SYNE1: variants seen among roughly 807,000 people sequenced by gnomAD.
SYNE1 encodes spectrin repeat containing nuclear envelope protein 1.
A neutral mutation model predicts 1,111.0 loss-of-function variants in SYNE1; 616 were observed. That is an observed-to-expected ratio of 0.55 (90% CI 0.52 to 0.59). The LOEUF (loss-of-function observed/expected upper bound fraction) is 0.59. Ranked by LOEUF, SYNE1 falls within the 20% of genes least tolerant of loss-of-function variation. The pLI, the probability that SYNE1 is intolerant of heterozygous loss-of-function variation, is 0.00. For synonymous variants in SYNE1, 3,855 were observed against 3,825.8 expected, an observed-to-expected ratio of 1.01 and a Z score of -0.28; for missense variants, 10,006 against 10,417.0, an observed-to-expected ratio of 0.96 and a Z score of 1.72.
intron 2 of SYNE1, among the ~76,000 whole-genome samples, chr6:152,631,799 G>C (rs945613361): frequency 3.3e-5 from 5 of 152,102 alleles, no homozygotes; most frequent in Non-Finnish European, 5.9e-5. Flanking sequence ...TGACTCTCAG[G>C]ATTTGGGGTG....
At position 152,471,590 on chromosome 6, in the gene SYNE1, G is replaced by C. The variant is rs779081729; in HGVS notation, c.1632+7C>G. The C allele has an allele frequency of 3.1e-6, 5 of 1,613,344 alleles. No homozygotes were observed. In the South Asian group the frequency reaches 3.3e-5, roughly 11 times the overall value. On this transcript the variant is annotated splice_region_variant and intron_variant, in intron 16 of 145. Coordinates refer to ENST00000367255, the MANE Select transcript of SYNE1 (RefSeq NM_182961.4). ...AGGAATTCTCTGTCAAAGCACGGGG[G>C]ACTCACCACGTAGTTTTGTAGAAGC...
chr6:152,488,074 C>CAAA lies in SYNE1; in HGVS notation c.1047+319_1047+321dup, dbSNP rs35496801. Reference sequence around the variant, plus strand: ...TGGGAGAGAGAGTGAGACTCCGTCTCAAAAAAAAAAAAAAATCATGAGTTC... The same window carrying CAAA: ...TGGGAGAGAGAGTGAGACTCCGTCTCAAAAAAAAAAAAAAAAAATCATGAGTTC... On this transcript the variant is annotated intron_variant, in intron 12 of 145. Transcript: ENST00000367255. Among the ~76,000 whole-genome samples the CAAA allele has an allele frequency of 0.07, 9,300 of 132,808 alleles. 411 individuals are homozygous for CAAA. The highest frequency in any genetic ancestry group is 0.089 in the Non-Finnish European group (5,443 of 61,376). The allele number at this position is 132,808 out of a possible 152,430, so 87.1% of individuals were successfully genotyped here.
chr6:152,568,286 A>ATT (rs1564899028), intron 3 of SYNE1, among the ~76,000 whole-genome samples: 4 of 101,776 alleles, frequency 3.9e-5, no homozygotes, highest in South Asian at 3.4e-4. Context: ...ATTTTATTTT[A>ATT]TTCTTTTTTT....
intron 141 of SYNE1, 113 bp from the exon 142 acceptor site, chr6:152,135,345 T>C (rs2056812209): frequency 1.7e-6 from 2 of 1,155,978 alleles, no homozygotes; most frequent in Middle Eastern, 2.1e-4. Flanking sequence ...AGAACATACA[T>C]GCAACTCCTT....
At chr6:152,182,192 A>G (rs2068286522) in intron 128 of SYNE1, among the ~76,000 whole-genome samples, 1 of 152,190 alleles carries the variant, frequency 6.6e-6, no homozygotes, top group Admixed American at 6.5e-5. Flanking sequence ...TATCCTTTCC[A>G]GAATTCTAAA....
At chr6:152,239,054 C>T (rs759824195) in intron 108 of SYNE1, among the ~76,000 whole-genome samples, 2 of 151,898 alleles carry the variant, frequency 1.3e-5, no homozygotes, top group African/African-American at 2.4e-5. Flanking sequence ...CCCACGACGA[C>T]GTCCGGCTAA....
intron 14 of SYNE1, among the ~76,000 whole-genome samples, chr6:152,481,906 C>T (rs1454546853): frequency 6.6e-6 from 1 of 151,456 alleles, no homozygotes; most frequent in Non-Finnish European, 1.5e-5. Flanking sequence ...ATGAAGAAGA[C>T]CCCAAAGTCA....
intron 103 of SYNE1, 98 bp from the exon 104 acceptor site, chr6:152,255,187 C>T (rs1299028238): frequency 1.9e-6 from 2 of 1,064,898 alleles, no homozygotes; most frequent in African/African-American, 1.6e-5. Flanking sequence ...ATCTCTCTGG[C>T]TGCTTAGTAA....
chr6:152,637,348 G>A lies in SYNE1; in HGVS notation c.-551C>T, dbSNP rs1356788703. 1 of 152,342 alleles carries A rather than the reference G, an allele frequency of 6.6e-6. No individual in the cohort carries two copies. The highest frequency in any genetic ancestry group is 2.4e-5 in the African/African-American group (1 of 41,454). The allele number at this position is 152,342 out of a possible 1,614,324, so 9.4% of individuals were successfully genotyped here. ...GACGCGCTGCCTCCGCTGCCTGGAG[G>A]AGCTGCGCTGTCCTGCCAGCTAACT... On this transcript the variant is annotated 5_prime_UTR_variant, in exon 1 of 146. Transcript: ENST00000367255.
At chr6:152,520,345 G>A in intron 6 of SYNE1, 114 bp downstream of exon 6, 5 of 1,028,434 alleles carry the variant, frequency 4.9e-6, no homozygotes, top group Non-Finnish European at 7.6e-6. Flanking sequence ...GTATGTCTAG[G>A]CTGTATAGAT....
At chr6:152,497,466 G>A (rs979164938) in intron 11 of SYNE1, among the ~76,000 whole-genome samples, 2 of 152,268 alleles carry the variant, frequency 1.3e-5, no homozygotes, top group East Asian at 3.9e-4. Context: ...GTGTACCCAA[G>A]GTACCAGAGG....
chr6:152,233,135 T>C (rs2083172719), intron 112 of SYNE1, among the ~76,000 whole-genome samples: 1 of 152,254 alleles, frequency 6.6e-6, no homozygotes, highest in Non-Finnish European at 1.5e-5. Context: ...ATTTTTAACA[T>C]ATATTACGTT....
At chr6:152,377,211 A>G (rs2097296674) in intron 56 of SYNE1, among the ~76,000 whole-genome samples, 1 of 152,228 alleles carries the variant, frequency 6.6e-6, no homozygotes, top group Non-Finnish European at 1.5e-5. Context: ...AAAATAGCCT[A>G]CATTGTCTAT....
At position 152,399,706 on chromosome 6, in the gene SYNE1, T is replaced by C. The variant is rs1452310606; in HGVS notation, c.7147A>G (p.Thr2383Ala). 1.9e-6 allele frequency: 3 copies of C among 1,614,034 alleles called. No homozygotes were observed. In the African/African-American group the frequency reaches 4.0e-5, roughly 22 times the overall value. ...GCTTCATGTTTCTTTATCAGACCAG[T>C]CATTGCACGGCCCAGGCTCTCCAAC... ...AELESLGRAM[T>A]GLIKKHEAVS... The change falls in exon 48 of 146, where the codon ACT becomes GCT. Residue 2383 changes from threonine (T) to alanine (A), a missense_variant. Transcript: ENST00000367255.
At chr6:152,259,124 A>G (rs773406412) in intron 101 of SYNE1, among the ~76,000 whole-genome samples, 3 of 152,092 alleles carry the variant, frequency 2.0e-5, no homozygotes, top group African/African-American at 7.2e-5. Context: ...TGCCAAGCCC[A>G]TTCCCCATTG....
At chr6:152,478,110 T>A (rs1035597980) in intron 14 of SYNE1, among the ~76,000 whole-genome samples, 15 of 152,096 alleles carry the variant, frequency 9.9e-5, no homozygotes, top group Non-Finnish European at 2.9e-5. Context: ...GAAATGTTTG[T>A]GACAGGTGAT....
chr6:152,141,664 T>C (rs2058578349), intron 138 of SYNE1, among the ~76,000 whole-genome samples: 1 of 151,866 alleles, frequency 6.6e-6, no homozygotes, highest in South Asian at 2.1e-4. Context: ...GAGGCTGAGG[T>C]GGATCACCTG....
At chr6:152,219,332 A>T in intron 119 of SYNE1, 147 bp from the exon 120 acceptor site, 1 of 811,968 alleles carries the variant, frequency 1.2e-6, no homozygotes, top group Non-Finnish European at 2.1e-6. Context: ...TGGAAAAATG[A>T]ACACGCACTG....
intron 145 of SYNE1, chr6:152,127,778 A>G (rs1400660208): frequency 6.6e-6 from 1 of 152,220 alleles, no homozygotes; most frequent in Non-Finnish European, 1.5e-5. Context: ...TTCAAAACAA[A>G]TTCTACAAGA....
Sources: gnomAD v4.1 joint callset for allele counts (sites outside exome capture counted in the v4.1 genomes callset) on GRCh38, gnomAD v4.1.1 for gene constraint, MANE v1.5 for transcripts, NCBI Gene and HGNC (gene_info 2026-07-23, HGNC 2026-07-21) for gene names.